UNC13C: variants seen among roughly 807,000 people sequenced by gnomAD.
UNC13C encodes protein unc-13 homolog C.
A neutral mutation model predicts 245.4 loss-of-function variants in UNC13C; 174 were observed. The ratio of observed to expected loss-of-function variants is 0.71; its 90% CI spans 0.63 to 0.80. UNC13C has a LOEUF of 0.80. UNC13C is among the 30% of genes least tolerant of loss of function. The probability of loss-of-function intolerance (pLI) is 0.00; values close to 1 mark genes in which losing one functional copy is unlikely to be tolerated. For synonymous variants in UNC13C, 992 were observed against 895.1 expected (o/e 1.11, Z -1.93); for missense variants, 2,829 against 2,602.9 (o/e 1.09, Z -1.89).
intron 2 of UNC13C, chr15:54,050,917 G>A: frequency 5.5e-6 from 3 of 548,628 alleles, no homozygotes; most frequent in Non-Finnish European, 7.4e-6. Flanking sequence ...CCACTTGATT[G>A]TATTTACTCA....
intron 2 of UNC13C, chr15:54,050,228 T>A (rs1672564391): frequency 1.9e-6 from 1 of 532,476 alleles, no homozygotes; most frequent in South Asian, 1.4e-5. Context: ...CACCTCAGCC[T>A]CCCAAAGTTC....
the UNC13C span, among the ~76,000 whole-genome samples, chr15:53,858,846 A>C: frequency 6.6e-6 from 1 of 152,222 alleles, no homozygotes; most frequent in Non-Finnish European, 1.5e-5. Flanking sequence ...TTTAATACTC[A>C]AAATATTCAT....
intron 16 of UNC13C, 118 bp from the exon 17 acceptor site, chr15:54,338,243 C>T: frequency 8.3e-7 from 1 of 1,205,274 alleles, no homozygotes; most frequent in Non-Finnish European, 1.1e-6. Context: ...TAAGATGACA[C>T]TTACTGAACA....
intron 4 of UNC13C, among the ~76,000 whole-genome samples, chr15:54,158,601 G>A (rs7173824): frequency 0.026 from 3,899 of 152,108 alleles, 164 homozygotes; most frequent in African/African-American, 0.089. Flanking sequence ...TTACAGGTGT[G>A]AGCCACTGCG....
At chr15:54,448,403 G>A (rs1567281133) in intron 19 of UNC13C, among the ~76,000 whole-genome samples, 1 of 152,140 alleles carries the variant, frequency 6.6e-6, no homozygotes, top group Non-Finnish European at 1.5e-5. Context: ...TATTGTTTGG[G>A]AGTCTAAGTC....
intron 10 of UNC13C, among the ~76,000 whole-genome samples, chr15:54,280,735 CATACATAT>C (rs1205711389): frequency 2.5e-5 from 3 of 119,380 alleles, no homozygotes; most frequent in African/African-American, 1.2e-4. Flanking sequence ...CATATGTATA[CATACATAT>C]ATACATATAT....
intron 17 of UNC13C, among the ~76,000 whole-genome samples, chr15:54,365,438 A>AT (rs199875364): frequency 0.015 from 2,282 of 152,296 alleles, 18 homozygotes; most frequent in Non-Finnish European, 0.021. Flanking sequence ...TATTCAGTCT[A>AT]TACAACTTGA....
intron 14 of UNC13C, among the ~76,000 whole-genome samples, chr15:54,330,025 G>A (rs2038397993): frequency 6.6e-6 from 1 of 152,012 alleles, no homozygotes; most frequent in African/African-American, 2.4e-5. Context: ...GGCAGATGGG[G>A]TAGGATGGAT....
chr15:54,007,255 A>G (rs1485087337), intron 1 of UNC13C, among the ~76,000 whole-genome samples: 1 of 152,220 alleles, frequency 6.6e-6, no homozygotes, highest in Non-Finnish European at 1.5e-5. Flanking sequence ...CAAATGAAGG[A>G]GCAGTTAAGA....
rs1438612373 is a variant in UNC13C at position 54,012,864 on chromosome 15, T to A, written c.-40T>A. On this transcript the variant is annotated 5_prime_UTR_variant, in exon 2 of 33. Coordinates refer to ENST00000260323, the MANE Select transcript of UNC13C (RefSeq NM_001080534.3). ...TCAGGTTTTCATCCTGATACTTGTTTACTTTTCTGGGGCAGAAAAGCTTGC... is the reference window on the plus strand; with the variant it reads ...TCAGGTTTTCATCCTGATACTTGTTAACTTTTCTGGGGCAGAAAAGCTTGC... 11 of 1,469,826 alleles carry A rather than the reference T, an allele frequency of 7.5e-6. No individual in the cohort carries two copies. The Admixed American group carries it at 1.3e-4, about 17-fold the overall frequency. 91.0% of individuals were successfully genotyped at this position (1,469,826 alleles called of 1,614,324 possible). A position where few individuals can be genotyped will look rare whatever the true frequency, so the allele number is the denominator to read the frequency against.
chr15:54,462,119 CA>C (rs1891880744), intron 19 of UNC13C, among the ~76,000 whole-genome samples: 1 of 152,034 alleles, frequency 6.6e-6, no homozygotes, highest in Non-Finnish European at 1.5e-5. Context: ...AGGCCTTTGC[CA>C]GGGGTGTGAC....
chr15:54,483,171 A>G (rs1322114556), intron 19 of UNC13C, among the ~76,000 whole-genome samples: 1 of 152,206 alleles, frequency 6.6e-6, no homozygotes, highest in East Asian at 1.9e-4. Context: ...AGAAAATAAG[A>G]CATCATCTTA....
chr15:54,018,055 C>A (rs1221254937), intron 2 of UNC13C, among the ~76,000 whole-genome samples: 1 of 152,106 alleles, frequency 6.6e-6, no homozygotes, highest in Non-Finnish European at 1.5e-5. Context: ...GCTATCTCTG[C>A]TCCCCTTGGC....
At chr15:53,923,195 C>G in the UNC13C span, among the ~76,000 whole-genome samples, 1 of 152,136 alleles carries the variant, frequency 6.6e-6, no homozygotes, top group African/African-American at 2.4e-5. Flanking sequence ...TCCCATTCAC[C>G]CAGGTGGAAA....
intron 18 of UNC13C, among the ~76,000 whole-genome samples, chr15:54,411,889 A>G (rs985975225): frequency 9.2e-5 from 14 of 152,230 alleles, no homozygotes; most frequent in African/African-American, 3.4e-4. Flanking sequence ...TTGAGAAAAG[A>G]TAAAATTCTA....
chr15:54,097,182 C>T (rs2141147283), intron 2 of UNC13C, among the ~76,000 whole-genome samples: 1 of 152,326 alleles, frequency 6.6e-6, no homozygotes, highest in South Asian at 2.1e-4. Context: ...ATTTATGGAA[C>T]ACCCAGTCTT....
the UNC13C span, among the ~76,000 whole-genome samples, chr15:53,934,466 G>A: frequency 0.92 from 139,411 of 152,076 alleles, 64,564 homozygotes; most frequent in Middle Eastern, 0.98. Context: ...TGCCGAGTGC[G>A]TGAATAAATC....
chr15:54,172,758 A>G (rs1010322501), intron 4 of UNC13C, among the ~76,000 whole-genome samples: 1 of 98,080 alleles, frequency 1.0e-5, no homozygotes, highest in African/African-American at 4.6e-5. Context: ...ATATATATAT[A>G]TATCTTTACT....
chr15:53,838,964 T>C, the UNC13C span, among the ~76,000 whole-genome samples: 1 of 152,118 alleles, frequency 6.6e-6, no homozygotes, highest in African/African-American at 2.4e-5. Flanking sequence ...AATTGAAAAT[T>C]TGTCCAAGTT....
Sources: allele counts gnomAD v4.1 joint callset (sites outside exome capture counted in the v4.1 genomes callset), GRCh38; gene constraint gnomAD v4.1.1; transcripts MANE v1.5; gene names NCBI Gene and HGNC (gene_info 2026-07-23, HGNC 2026-07-21).